Variants in MLPH observed in about 807,000 individuals in gnomAD.
MLPH encodes melanophilin.
Under a neutral mutation model 72.1 loss-of-function variants are expected in MLPH, and 51 were observed. The ratio of observed to expected loss-of-function variants is 0.71; its 90% CI spans 0.56 to 0.89. The LOEUF (loss-of-function observed/expected upper bound fraction) is 0.89. Ranked by LOEUF, MLPH falls within the 40% of genes least tolerant of loss-of-function variation. The pLI, the probability that MLPH is intolerant of heterozygous loss-of-function variation, is 0.00. For synonymous variants in MLPH, 301 were observed against 310.1 expected (o/e 0.97, Z 0.31); for missense variants, 743 against 759.9 (o/e 0.98, Z 0.26).
Position 237,527,377 on chromosome 2 carries a change from G to T in MLPH, c.881G>T (p.Gly294Val). ...RMALGTAAAL[G>V]SNVIRNEQLP... Reference sequence around the variant, plus strand: ...ATTCAAACCCACTCTCGCTCTGAAGGGTCGAATGTCATCAGGAATGAGCAG... The same window carrying T: ...ATTCAAACCCACTCTCGCTCTGAAGTGTCGAATGTCATCAGGAATGAGCAG... Residue 294 changes from glycine (G) to valine (V), a missense_variant and splice_region_variant, in exon 8 of 16, where the codon GGG becomes GTG. Physicochemically the swap from Gly to Val is moderately radical, Grantham distance 109 (BLOSUM62 -3). Coordinates refer to ENST00000264605, the MANE Select transcript of MLPH (RefSeq NM_024101.7). The T allele has an allele frequency of 2.5e-6, 4 of 1,614,186 alleles. No homozygotes were observed. The highest frequency in any genetic ancestry group is 3.4e-6 in the Non-Finnish European group (4 of 1,180,036).
chr2:237,546,735 C>A (rs1393059865), intron 13 of MLPH, 52 bp downstream of exon 13: 4 of 1,479,150 alleles, frequency 2.7e-6, no homozygotes, highest in African/African-American at 1.4e-5. Flanking sequence ...TGGAAGACTG[C>A]ACCCCTTTCC....
intron 8 of MLPH, among the ~76,000 whole-genome samples, chr2:237,531,406 A>G (rs1250729295): frequency 6.6e-6 from 1 of 151,790 alleles, no homozygotes; most frequent in South Asian, 2.1e-4. Context: ...GTAGAGACCC[A>G]TGGGACATCC....
chr2:237,547,003 T>G (rs1231874327), intron 13 of MLPH, among the ~76,000 whole-genome samples: 1 of 152,200 alleles, frequency 6.6e-6, no homozygotes, highest in Non-Finnish European at 1.5e-5. Context: ...TGACTGTGGC[T>G]CAGTCCTCCT....
At chr2:237,546,143 G>A (rs903095242) in intron 12 of MLPH, among the ~76,000 whole-genome samples, 1 of 152,174 alleles carries the variant, frequency 6.6e-6, no homozygotes, top group Non-Finnish European at 1.5e-5. Flanking sequence ...GAGACAAAAG[G>A]TTGCATTCTT....
At position 237,510,547 on chromosome 2, in the gene MLPH, A is replaced by G. The variant is rs1432526257; in HGVS notation, c.111-27A>G. 1 of 1,607,944 alleles carries G rather than the reference A, an allele frequency of 6.2e-7. No individual in the cohort carries two copies. Among genetic ancestry groups the G allele is most frequent in the Non-Finnish European group, 8.5e-7 (1 of 1,176,000 alleles). On this transcript the variant is annotated intron_variant, in intron 2 of 15. Coordinates refer to ENST00000264605, the MANE Select transcript of MLPH (RefSeq NM_024101.7). This position sits in a 1 kb window ranked among gnomAD's most constrained non-coding sequence, Gnocchi z 4.4. Reference sequence around the variant, plus strand: ...GTTGCAAAAACAAGATGCCCAATATATTTCTTGTTTCTGATATTTTCCCAA... The same window carrying G: ...GTTGCAAAAACAAGATGCCCAATATGTTTCTTGTTTCTGATATTTTCCCAA...
intron 12 of MLPH, 42 bp downstream of exon 12, chr2:237,542,701 GGGGGCAGTGGTGAGTGGC>G (rs2080723475): frequency 7.1e-7 from 1 of 1,407,394 alleles, no homozygotes; most frequent in Non-Finnish European, 9.7e-7. Flanking sequence ...TGCTGAGTGG[GGGGGCAGTGGTGAGTGGC>G]GGACAGTGGT....
chr2:237,486,471 C>T (rs929392761), upstream of MLPH: 1 of 152,310 alleles, frequency 6.6e-6, no homozygotes, highest in African/African-American at 2.4e-5. Context: ...CCTTGGGACC[C>T]TCTGAGCTTG....
chr2:237,555,060 G>A lies in MLPH; in HGVS notation c.*1468G>A, dbSNP rs1363103813. 6.6e-6 allele frequency: 1 copy of A among 152,178 alleles called. No homozygotes were observed. The highest frequency in any genetic ancestry group is 1.5e-5 in the Non-Finnish European group (1 of 68,056). 9.4% of individuals were successfully genotyped at this position (152,178 alleles called of 1,614,324 possible). On this transcript the variant is annotated 3_prime_UTR_variant, in exon 16 of 16. Coordinates refer to ENST00000264605, the MANE Select transcript of MLPH (RefSeq NM_024101.7). ...AAGGTGGGAGAATTGCTTGAGGCCAGGAGTTTGAGACCTCCTGGGCAACAT... is the reference window on the plus strand; with the variant it reads ...AAGGTGGGAGAATTGCTTGAGGCCAAGAGTTTGAGACCTCCTGGGCAACAT...
In MLPH at chr2:237,503,733, G is replaced by A. The variant is rs186629163; in HGVS notation, c.111-6841G>A. Among the ~76,000 whole-genome samples, 309 of 152,196 alleles carry A rather than the reference G, an allele frequency of 2.0e-3. 2 individuals are homozygous for A. Among genetic ancestry groups the A allele is most frequent in the Non-Finnish European group, 3.7e-3 (252 of 68,000 alleles). On this transcript the variant is annotated intron_variant, in intron 2 of 15. Transcript: ENST00000264605. Reference sequence around the variant, plus strand: ...CATGGAGTGTGGATTTTGTCTTTGAGGATCTGTTCCACTTGCCTGGGAGTA... The same window carrying A: ...CATGGAGTGTGGATTTTGTCTTTGAAGATCTGTTCCACTTGCCTGGGAGTA...
At chr2:237,550,224 C>A (rs2149163324) in intron 14 of MLPH, among the ~76,000 whole-genome samples, 1 of 152,310 alleles carries the variant, frequency 6.6e-6, no homozygotes, top group Non-Finnish European at 1.5e-5. Context: ...CCCCGGGGCT[C>A]TCCACCGCCT....
chr2:237,535,852 G>A (rs907920276), intron 9 of MLPH, among the ~76,000 whole-genome samples: 36 of 152,158 alleles, frequency 2.4e-4, no homozygotes, highest in Admixed American at 1.1e-3. Context: ...TACTAATTCC[G>A]AGGAAGATTG....
At chr2:237,529,891 G>A (rs993641596) in intron 8 of MLPH, among the ~76,000 whole-genome samples, 3 of 152,246 alleles carry the variant, frequency 2.0e-5, no homozygotes, top group African/African-American at 7.2e-5. Flanking sequence ...AATGCCCTGT[G>A]GAGCTTCCCT....
rs772561454 is a variant in MLPH at position 237,546,595 on chromosome 2, T to C, written c.1540-11T>C. On this transcript the variant is annotated splice_polypyrimidine_tract_variant and intron_variant, in intron 12 of 15. Transcript: ENST00000264605. The stretch of plus-strand genomic sequence containing the variant: ...TTCAACAATAACATAAGTCTCTTCT[T>C]TGCCCTCCAGATATTTCTCCCTCGA... 5.0e-6 allele frequency: 8 copies of C among 1,613,592 alleles called. No homozygotes were observed. The South Asian group carries it at 8.8e-5, about 18-fold the overall frequency.
At chr2:237,552,193 T>A (rs1267041718) in intron 14 of MLPH, 144 bp from the exon 15 acceptor site, 5 of 662,288 alleles carry the variant, frequency 7.5e-6, no homozygotes, top group South Asian at 3.4e-5. Flanking sequence ...AAATACTTTT[T>A]AAAAAATATG....
chr2:237,518,815 C>T (rs1040770896), intron 5 of MLPH, among the ~76,000 whole-genome samples, 167 bp downstream of exon 5: 2 of 152,210 alleles, frequency 1.3e-5, no homozygotes, highest in African/African-American at 2.4e-5. Flanking sequence ...TCAGTAGTCT[C>T]TGAGATCATT....
chr2:237,490,252 C>A (rs1037216163), intron 1 of MLPH, among the ~76,000 whole-genome samples: 6 of 151,988 alleles, frequency 3.9e-5, no homozygotes, highest in Non-Finnish European at 7.4e-5. Flanking sequence ...TCCCTGAGCC[C>A]ATGGAGGTCG....
intron 4 of MLPH, among the ~76,000 whole-genome samples, chr2:237,516,567 A>G (rs2080022027): frequency 6.6e-6 from 1 of 152,250 alleles, no homozygotes; most frequent in Admixed American, 6.5e-5. Flanking sequence ...CTACTGCCCA[A>G]TAAGCACAAT....
intron 4 of MLPH, among the ~76,000 whole-genome samples, chr2:237,515,300 T>C (rs2079990815): frequency 6.6e-6 from 1 of 152,120 alleles, no homozygotes; most frequent in Admixed American, 6.5e-5. Flanking sequence ...ATTGAGTACA[T>C]CCGCCGAATG....
chr2:237,539,860 T>C (rs1435252177), intron 9 of MLPH, among the ~76,000 whole-genome samples: 3 of 152,240 alleles, frequency 2.0e-5, no homozygotes, highest in African/African-American at 4.8e-5. Flanking sequence ...TCAGGAGCAG[T>C]GTGCCCCAGA....
Sources: allele counts gnomAD v4.1 joint callset (sites outside exome capture counted in the v4.1 genomes callset), GRCh38; gene constraint gnomAD v4.1.1; non-coding constraint Gnocchi (gnomAD v3.1); transcripts MANE v1.5; gene names NCBI Gene and HGNC (gene_info 2026-07-23, HGNC 2026-07-21).